The following PRMT3 variants were observed in gnomAD, a reference collection of about 807,000 sequenced individuals.
The protein encoded by PRMT3 is protein arginine N-methyltransferase 3.
PRMT3 carries 62 observed loss-of-function variants against 71.9 expected under a neutral mutation model. That is an observed-to-expected ratio of 0.86 (90% CI 0.70 to 1.07). The LOEUF (loss-of-function observed/expected upper bound fraction) is 1.07, where lower values mean the gene tolerates loss of function less well. Ranked by LOEUF, PRMT3 falls within the 50% of genes least tolerant of loss-of-function variation. The pLI, the probability that PRMT3 is intolerant of heterozygous loss-of-function variation, is 0.00. For synonymous variants in PRMT3, 213 were observed against 220.4 expected (o/e 0.97, Z 0.30); for missense variants, 663 against 643.0 (o/e 1.03, Z -0.34).
At chr11:20,408,846 C>T (rs543827794) in intron 9 of PRMT3, among the ~76,000 whole-genome samples, 10 of 152,266 alleles carry the variant, frequency 6.6e-5, no homozygotes, top group African/African-American at 2.4e-4. Flanking sequence ...GTAATCCCAG[C>T]ACTTTGGGAG....
At chr11:20,476,762 TA>T (rs983685177) in intron 13 of PRMT3, among the ~76,000 whole-genome samples, 1 of 151,850 alleles carries the variant, frequency 6.6e-6, no homozygotes, top group African/African-American at 2.4e-5. Context: ...AGAGTTTTTT[TA>T]TCTCTTTAAC....
chr11:20,459,825 T>C (rs1461407424), intron 11 of PRMT3, among the ~76,000 whole-genome samples: 3 of 152,228 alleles, frequency 2.0e-5, no homozygotes, highest in Non-Finnish European at 4.4e-5. Flanking sequence ...GCTGATCCTC[T>C]TACTGAGTTA....
chr11:20,499,676 A>G (rs983937216), intron 15 of PRMT3, among the ~76,000 whole-genome samples: 2 of 152,212 alleles, frequency 1.3e-5, no homozygotes, highest in Non-Finnish European at 2.9e-5. Flanking sequence ...AAGGACACAA[A>G]CAGGTGAACA....
intron 10 of PRMT3, among the ~76,000 whole-genome samples, chr11:20,439,470 A>G (rs973163049): frequency 9.9e-5 from 15 of 152,108 alleles, no homozygotes; most frequent in Non-Finnish European, 1.8e-4. Context: ...GGTTATTTTC[A>G]TTAACATAGT....
At chr11:20,410,742 A>C (rs995805516) in intron 9 of PRMT3, among the ~76,000 whole-genome samples, 6 of 152,098 alleles carry the variant, frequency 3.9e-5, no homozygotes, top group Non-Finnish European at 8.8e-5. Flanking sequence ...CGGGAAAGCT[A>C]CCAACTTACT....
chr11:20,392,732 C>T (rs895394790), intron 4 of PRMT3, among the ~76,000 whole-genome samples, 165 bp from the exon 5 acceptor site: 3 of 150,480 alleles, frequency 2.0e-5, no homozygotes, highest in Admixed American at 1.3e-4. Flanking sequence ...GTTAAGCAGT[C>T]GTCCAGCAAG....
At chr11:20,396,882 T>A (rs1453862166) in intron 6 of PRMT3, among the ~76,000 whole-genome samples, 1 of 152,204 alleles carries the variant, frequency 6.6e-6, no homozygotes. Flanking sequence ...GCCTTCCTGT[T>A]GGATTTGTAA....
chr11:20,503,051 C>G (rs1303543788), intron 15 of PRMT3, among the ~76,000 whole-genome samples: 1 of 140,132 alleles, frequency 7.1e-6, no homozygotes, highest in Non-Finnish European at 1.6e-5. Flanking sequence ...ATAATCCATC[C>G]TAAAGAATCA....
At chr11:20,395,995 T>C in intron 6 of PRMT3, 33 bp downstream of exon 6, 1 of 1,605,752 alleles carries the variant, frequency 6.2e-7, no homozygotes, top group Non-Finnish European at 8.5e-7. Context: ...TTAATTGTTT[T>C]AGATCTCCAG....
chr11:20,443,500 C>G (rs1301117462), intron 10 of PRMT3, among the ~76,000 whole-genome samples: 1 of 152,070 alleles, frequency 6.6e-6, no homozygotes. Flanking sequence ...ACATAATAAC[C>G]TAATGTTATG....
Position 20,508,333 on chromosome 11 carries a change from C to G in PRMT3, c.1516C>G (p.His506Asp). 1 of 1,610,786 alleles carries G rather than the reference C, an allele frequency of 6.2e-7. No homozygotes were observed. The highest frequency in any genetic ancestry group is 8.5e-7 in the Non-Finnish European group (1 of 1,177,168). ...AGCCTTGAAAGGAAAGGTCACAGTTCACAAGAATAAGAAAGATCCACGTTC... is the reference window on the plus strand; with the variant it reads ...AGCCTTGAAAGGAAAGGTCACAGTTGACAAGAATAAGAAAGATCCACGTTC... The part of the protein sequence containing the change: ...GEALKGKVTV[H>D]KNKKDPRSLT... The change falls in exon 16 of 16, where the codon CAC becomes GAC. Residue 506 changes from histidine (H) to aspartate (D), a missense_variant. Transcript: ENST00000331079.
At chr11:20,454,793 C>T (rs1850231457) in intron 11 of PRMT3, among the ~76,000 whole-genome samples, 2 of 151,992 alleles carry the variant, frequency 1.3e-5, no homozygotes, top group Admixed American at 6.6e-5. Flanking sequence ...AAGGCCCATA[C>T]AAACGTGATG....
intron 15 of PRMT3, 46 bp downstream of exon 15, chr11:20,494,300 A>G (rs1288467937): frequency 1.3e-5 from 18 of 1,424,108 alleles, no homozygotes; most frequent in Non-Finnish European, 1.7e-5. Flanking sequence ...ATTCTGAAGT[A>G]AATGATATTC....
intron 10 of PRMT3, among the ~76,000 whole-genome samples, chr11:20,430,774 A>G (rs762642309): frequency 5.3e-5 from 8 of 152,178 alleles, no homozygotes; most frequent in Non-Finnish European, 1.2e-4. Context: ...ACAATACAAT[A>G]TTACTAACTG....
chr11:20,494,141 A>T (rs760010600), intron 14 of PRMT3, 26 bp from the exon 15 acceptor site: 1 of 1,562,608 alleles, frequency 6.4e-7, no homozygotes, highest in Admixed American at 1.7e-5. Flanking sequence ...TACTTCATCA[A>T]ATACCTTTGA....
chr11:20,398,952 A>G (rs1848891275), intron 7 of PRMT3, among the ~76,000 whole-genome samples: 2 of 152,218 alleles, frequency 1.3e-5, no homozygotes, highest in African/African-American at 2.4e-5. Flanking sequence ...TAACGGTAAT[A>G]TCCATATAAA....
At position 20,504,723 on chromosome 11, in the gene PRMT3, A is replaced by T. The variant is rs915625460; in HGVS notation, c.1487-3581A>T. On this transcript the variant is annotated intron_variant, in intron 15 of 15. Coordinates refer to ENST00000331079, the MANE Select transcript of PRMT3 (RefSeq NM_005788.4). ...GTGTGTGTGTGAGAGAGAGAGAGAG[A>T]GAGAGAGAGAGAGAGAGAGAGAGCG... 3.7e-4 allele frequency among the ~76,000 whole-genome samples: 56 copies of T among 151,062 alleles called. 1 individual carries two copies. Among genetic ancestry groups the T allele is most frequent in the Admixed American group, 2.1e-3 (32 of 15,140 alleles).
In PRMT3 at chr11:20,447,726, C is replaced by T. The variant is rs535342240; in HGVS notation, c.994-4404C>T. On this transcript the variant is annotated intron_variant, in intron 10 of 15. Transcript: ENST00000331079. ...AGGTTCCTGTGGCTCTCTCTAAACA[C>T]GTAAAGCCACCTTCAGCTTGCTGCC... is the stretch of plus-strand genomic sequence containing the variant. Among the ~76,000 whole-genome samples the T allele has an allele frequency of 2.0e-4, 31 of 152,140 alleles. No individual in the cohort carries two copies. The South Asian group carries it at 6.0e-3, about 30-fold the overall frequency.
chr11:20,391,633 G>C (rs1395921338), intron 3 of PRMT3, among the ~76,000 whole-genome samples: 1 of 152,058 alleles, frequency 6.6e-6, no homozygotes, highest in East Asian at 1.9e-4. Context: ...CGATATAGGG[G>C]GTTTGTATAC....
Sources: gnomAD v4.1 joint callset for allele counts (sites outside exome capture counted in the v4.1 genomes callset) on GRCh38, gnomAD v4.1.1 for gene constraint, MANE v1.5 for transcripts, NCBI Gene and HGNC (gene_info 2026-07-23, HGNC 2026-07-21) for gene names.